The following PLEKHM3 variants were observed in gnomAD, a reference collection of about 807,000 sequenced individuals.
PLEKHM3 encodes the protein pleckstrin homology domain containing M3.
PLEKHM3 carries 45 observed loss-of-function variants against 81.8 expected under a neutral mutation model. That is an observed-to-expected ratio of 0.55 (90% confidence interval 0.43 to 0.71). The LOEUF (loss-of-function observed/expected upper bound fraction) is 0.71. PLEKHM3 is among the 30% of genes least tolerant of loss of function. The pLI, the probability that PLEKHM3 is intolerant of heterozygous loss-of-function variation, is 0.00. For missense variants in PLEKHM3, 788 were observed against 924.3 expected, an observed-to-expected ratio of 0.85 and a Z score of 1.91; for synonymous variants, 352 against 356.4, an observed-to-expected ratio of 0.99 and a Z score of 0.14.
At chr2:207,972,674 A>T (rs1407420187) in intron 3 of PLEKHM3, among the ~76,000 whole-genome samples, 1 of 152,160 alleles carries the variant, frequency 6.6e-6, no homozygotes, top group Non-Finnish European at 1.5e-5. Flanking sequence ...GCCACGGAAC[A>T]GTCACACATA....
chr2:207,984,040 C>T (rs1438807792), intron 2 of PLEKHM3, among the ~76,000 whole-genome samples: 1 of 152,172 alleles, frequency 6.6e-6, no homozygotes, highest in East Asian at 1.9e-4. Context: ...TTAGCTTGGC[C>T]TTCAACATTT....
chr2:207,913,836 C>A (rs1688891185), intron 5 of PLEKHM3, among the ~76,000 whole-genome samples: 1 of 151,902 alleles, frequency 6.6e-6, no homozygotes, highest in African/African-American at 2.4e-5. Context: ...ACTGATGAAG[C>A]CTGGCCTTCA....
intron 2 of PLEKHM3, among the ~76,000 whole-genome samples, chr2:207,981,655 A>G (rs1168612201): frequency 6.6e-6 from 1 of 152,112 alleles, no homozygotes; most frequent in African/African-American, 2.4e-5. Context: ...ACTGAAGTTT[A>G]TTTTTAATAT....
chr2:207,922,357 T>TAA (rs950464711), intron 5 of PLEKHM3, among the ~76,000 whole-genome samples: 1 of 152,258 alleles, frequency 6.6e-6, no homozygotes, highest in African/African-American at 2.4e-5. Flanking sequence ...ATTATCTTTA[T>TAA]ATACAGTAAA....
intron 7 of PLEKHM3, among the ~76,000 whole-genome samples, chr2:207,837,003 C>A (rs1164756749): frequency 2.6e-5 from 4 of 152,186 alleles, no homozygotes; most frequent in Admixed American, 2.6e-4. Flanking sequence ...CGTATGGCTA[C>A]TATGCAACGC....
At chr2:208,008,075 C>A (rs115379003) in intron 1 of PLEKHM3, among the ~76,000 whole-genome samples, 8,938 of 150,844 alleles carry the variant, frequency 0.059, 840 homozygotes, top group African/African-American at 0.2. Context: ...ATAAATAAAA[C>A]TAAAAATAAA....
At chr2:207,925,764 C>T (rs977310235) in intron 5 of PLEKHM3, among the ~76,000 whole-genome samples, 14 of 152,202 alleles carry the variant, frequency 9.2e-5, no homozygotes, top group Admixed American at 3.9e-4. Context: ...ATCACTGTAC[C>T]GCAACTGCCT....
intron 4 of PLEKHM3, among the ~76,000 whole-genome samples, chr2:207,944,457 AAGG>A (rs764180888): frequency 6.6e-6 from 1 of 152,184 alleles, no homozygotes; most frequent in South Asian, 2.1e-4. Flanking sequence ...TGGTGGCTGG[AAGG>A]AGGACAATGA....
At chr2:207,901,042 C>T (rs1252497901) in intron 6 of PLEKHM3, 1 of 563,026 alleles carries the variant, frequency 1.8e-6, no homozygotes, top group Non-Finnish European at 3.2e-6. Context: ...AACTCCACAG[C>T]TGCAGCCTCA....
intron 6 of PLEKHM3, among the ~76,000 whole-genome samples, chr2:207,872,981 T>C (rs758126536): frequency 5.9e-5 from 9 of 152,014 alleles, no homozygotes; most frequent in Non-Finnish European, 8.8e-5. Context: ...TAAAGAAATA[T>C]GGCTTTTCAG....
chr2:208,023,007 T>C (rs759717352), intron 1 of PLEKHM3, among the ~76,000 whole-genome samples: 7 of 152,210 alleles, frequency 4.6e-5, no homozygotes, highest in Non-Finnish European at 2.9e-5. Context: ...AGAAGCTGTA[T>C]TTCCATAATG....
At chr2:207,951,692 T>A (rs1690332052) in intron 3 of PLEKHM3, among the ~76,000 whole-genome samples, 1 of 152,208 alleles carries the variant, frequency 6.6e-6, no homozygotes, top group African/African-American at 2.4e-5. Flanking sequence ...TTTCACTAAA[T>A]ACACCCAAAA....
Position 207,977,015 on chromosome 2 carries a change from A to G in PLEKHM3, c.1182T>C (p.Pro394=), listed in dbSNP as rs1691337295. The G allele has an allele frequency of 6.2e-7, 1 of 1,614,132 alleles. No individual in the cohort carries two copies. Among genetic ancestry groups the G allele is most frequent in the Non-Finnish European group, 8.5e-7 (1 of 1,180,044 alleles). The change falls in exon 3 of 8, where the codon CCT becomes CCC. Residue 394 remains proline (P), a synonymous_variant. Coordinates refer to ENST00000427836, the MANE Select transcript of PLEKHM3 (RefSeq NM_001080475.3). ...ACAGTGGATCCTCGTCTAGCTTGCC[A>G]GGCTGAAAAGCCATAAGGTAAGCCC... ...LSRAYLMAFQ[P]GKLDEDPLLS...
intron 5 of PLEKHM3, among the ~76,000 whole-genome samples, chr2:207,909,717 G>C (rs998933997): frequency 7.2e-5 from 11 of 152,268 alleles, no homozygotes; most frequent in Non-Finnish European, 1.5e-4. Flanking sequence ...GTATATGCCT[G>C]GGTAGAGCCC....
intron 3 of PLEKHM3, among the ~76,000 whole-genome samples, chr2:207,957,602 G>A (rs899663936): frequency 6.6e-6 from 1 of 152,184 alleles, no homozygotes; most frequent in African/African-American, 2.4e-5. Flanking sequence ...GGAGGCTGAG[G>A]CAGGAGAATT....
intron 6 of PLEKHM3, among the ~76,000 whole-genome samples, chr2:207,902,934 A>G (rs1419380393): frequency 6.6e-6 from 1 of 150,818 alleles, no homozygotes; most frequent in African/African-American, 2.4e-5. Flanking sequence ...TTGCTTTAGT[A>G]TAAAACAAAC....
At chr2:207,943,855 G>A (rs868337188) in intron 4 of PLEKHM3, among the ~76,000 whole-genome samples, 11 of 119,696 alleles carry the variant, frequency 9.2e-5, no homozygotes, top group Non-Finnish European at 1.3e-4. Flanking sequence ...GCGACAGAGC[G>A]AGACTCCGTC....
chr2:207,863,511 GAAATAAAATCAAGT>G (rs928369090), intron 6 of PLEKHM3, among the ~76,000 whole-genome samples: 2 of 152,250 alleles, frequency 1.3e-5, no homozygotes, highest in African/African-American at 4.8e-5. Flanking sequence ...TAGGCTCACA[GAAATAAAATCAAGT>G]GCTAGACACA....
chr2:207,954,541 T>C (rs572725525), intron 3 of PLEKHM3, among the ~76,000 whole-genome samples: 5 of 152,348 alleles, frequency 3.3e-5, no homozygotes, highest in African/African-American at 1.2e-4. Flanking sequence ...ATCTATGACG[T>C]ATAATCATGT....
Sources: gnomAD v4.1 joint callset for allele counts (sites outside exome capture counted in the v4.1 genomes callset) on GRCh38, gnomAD v4.1.1 for gene constraint, MANE v1.5 for transcripts, NCBI Gene and HGNC (gene_info 2026-07-23, HGNC 2026-07-21) for gene names.